ODF2L: variants seen among roughly 807,000 people sequenced by gnomAD.
The protein encoded by ODF2L is outer dense fiber of sperm tails 2 like.
Under a neutral mutation model 86.3 loss-of-function variants are expected in ODF2L, and 76 were observed. The observed-to-expected ratio is 0.88, with a 90% CI of 0.73 to 1.07. The LOEUF (loss-of-function observed/expected upper bound fraction) is 1.07. Ranked by LOEUF, ODF2L falls within the 50% of genes least tolerant of loss-of-function variation. The pLI is 0.00. For synonymous variants in ODF2L, 241 were observed against 231.3 expected (o/e 1.04, Z -0.38); for missense variants, 748 against 717.4 (o/e 1.04, Z -0.49).
chr1:86,367,431 G>A (rs1003450478), intron 11 of ODF2L, among the ~76,000 whole-genome samples: 2 of 151,986 alleles, frequency 1.3e-5, no homozygotes, highest in African/African-American at 2.4e-5. Flanking sequence ...ATGGCATCTA[G>A]GCAGCAGGCC....
rs367675604 is a variant in ODF2L at position 86,372,450 on chromosome 1, G to A, written c.901C>T (p.Gln301Ter). 4.8e-6 allele frequency: 7 copies of A among 1,451,526 alleles called. No homozygotes were observed. The African/African-American group carries it at 8.8e-5, about 18-fold the overall frequency. The allele number at this position is 1,451,526 out of a possible 1,614,324, so 89.9% of individuals were successfully genotyped here. ...TCTTACTTTTTCATTGTTTCAATCTGTACTTCCAATTCGGTTTTTTCTATC... is the reference window on the plus strand; with the variant it reads ...TCTTACTTTTTCATTGTTTCAATCTATACTTCCAATTCGGTTTTTTCTATC... The change falls in exon 9 of 18, where the codon CAG (glutamine) becomes TAG (stop). Residue 301 changes from glutamine (Q) to a stop codon, truncating the protein, a stop_gained. Coordinates refer to ENST00000317336, the Ensembl canonical transcript of ODF2L. LOFTEE classifies it high-confidence loss of function.
chr1:86,392,166 A>G (rs1349741200), intron 1 of ODF2L, among the ~76,000 whole-genome samples: 1 of 152,224 alleles, frequency 6.6e-6, no homozygotes, highest in Non-Finnish European at 1.5e-5. Flanking sequence ...AAGCACAGCC[A>G]TAATCAAAAA....
intron 16 of ODF2L, among the ~76,000 whole-genome samples, chr1:86,353,570 G>A (rs1012386305): frequency 6.6e-6 from 1 of 152,128 alleles, no homozygotes; most frequent in Admixed American, 6.6e-5. Context: ...TCCTTCTAAG[G>A]AAGCCTATTT....
At chr1:86,367,099 T>C (rs946990516) in intron 11 of ODF2L, among the ~76,000 whole-genome samples, 4 of 152,074 alleles carry the variant, frequency 2.6e-5, no homozygotes, top group African/African-American at 9.7e-5. Context: ...AAAATGTCAC[T>C]ACAGAGGAAC....
Position 86,377,503 on chromosome 1 carries a change from C to T in ODF2L, c.625-1085G>A, listed in dbSNP as rs561855078. On this transcript the variant is annotated intron_variant, in intron 7 of 17. Transcript: ENST00000317336. ...TCTCCAACCCCATATTTCTCTTCCA[C>T]ACTGCCCCAGCAGAGGTTCCCCATA... Among the ~76,000 whole-genome samples, 11 of 152,342 alleles carry T rather than the reference C, an allele frequency of 7.2e-5. No individual in the cohort carries two copies. In the South Asian group the frequency reaches 8.3e-4, roughly 11 times the overall value.
intron 16 of ODF2L, among the ~76,000 whole-genome samples, chr1:86,353,461 T>C (rs1171044464): frequency 1.3e-5 from 2 of 152,142 alleles, no homozygotes; most frequent in Non-Finnish European, 2.9e-5. Flanking sequence ...ATTCATTCAC[T>C]TCCAAACTGG....
exon 8 of ODF2L, chr1:86,376,287 C>A (rs372262481): frequency 3.7e-6 from 6 of 1,612,884 alleles, no homozygotes; most frequent in Middle Eastern, 1.6e-4. Flanking sequence ...AATGGTCAAG[C>A]CTTTGTTTGT....
chr1:86,395,757 G>A (rs937863975), intron 1 of ODF2L, among the ~76,000 whole-genome samples: 8 of 152,144 alleles, frequency 5.3e-5, no homozygotes, highest in African/African-American at 1.7e-4. Context: ...TCAGGACTTC[G>A]TTCTGCACAA....
At chr1:86,369,967 T>C (rs1659683817) in intron 10 of ODF2L, among the ~76,000 whole-genome samples, 1 of 152,162 alleles carries the variant, frequency 6.6e-6, no homozygotes, top group Non-Finnish European at 1.5e-5. Flanking sequence ...TTGGTGATGA[T>C]TTTTAAATTG....
intron 14 of ODF2L, chr1:86,355,349 G>T (rs1369476274): frequency 1.7e-5 from 26 of 1,534,458 alleles, no homozygotes; most frequent in Non-Finnish European, 2.2e-5. Flanking sequence ...ACTCACCCAT[G>T]CCAAGACAGA....
exon 3 of ODF2L, chr1:86,385,497 T>C (rs951457667): frequency 1.9e-6 from 3 of 1,599,758 alleles, no homozygotes; most frequent in African/African-American, 2.7e-5. Context: ...CCTTAAATAG[T>C]GGCAAAAGCA....
At chr1:86,383,774 TA>T (rs763885814) in intron 4 of ODF2L, among the ~76,000 whole-genome samples, 2 of 151,798 alleles carry the variant, frequency 1.3e-5, no homozygotes, top group Non-Finnish European at 3.0e-5. Context: ...ATGGATTTCA[TA>T]AAGGTCATCC....
chr1:86,369,280 G>T (rs1570389201), intron 10 of ODF2L, among the ~76,000 whole-genome samples: 1 of 152,090 alleles, frequency 6.6e-6, no homozygotes, highest in African/African-American at 2.4e-5. Flanking sequence ...AAAAAAAATG[G>T]TATTAAGGTA....
chr1:86,354,551 A>C (rs556596304), exon 16 of ODF2L: 1 of 1,601,384 alleles, frequency 6.2e-7, no homozygotes, highest in Admixed American at 1.7e-5. Flanking sequence ...CTTCTTCTAA[A>C]GCAGCTTCCA....
Position 86,354,711 on chromosome 1 carries a change from T to C in ODF2L, c.1605-19A>G, listed in dbSNP as rs1456738859. On this transcript the variant is annotated intron_variant, in intron 15 of 17. Coordinates refer to ENST00000317336, the Ensembl canonical transcript of ODF2L. ...TAATTTTCTTTTTACAGAAAACATA[T>C]ATTTTAAAATGTTAATGTGCAGAGA... 6.3e-7 allele frequency: 1 copy of C among 1,583,612 alleles called. No individual in the cohort carries two copies. The highest frequency in any genetic ancestry group is 8.7e-7 in the Non-Finnish European group (1 of 1,155,750).
Position 86,356,674 on chromosome 1 carries a change from C to G in ODF2L, c.1360-72G>C, listed in dbSNP as rs1210935376. ...ATTAATATTTTTATTATCTTAAATA[C>G]TAGATATGCTTATAACGTAAGTATT... On this transcript the variant is annotated intron_variant, in intron 13 of 17. Coordinates refer to ENST00000317336, the Ensembl canonical transcript of ODF2L. 7.8e-6 allele frequency: 10 copies of G among 1,283,238 alleles called. 1 individual carries two copies. Among genetic ancestry groups the G allele is most frequent in the Middle Eastern group, 3.9e-4 (2 of 5,176 alleles). The allele number at this position is 1,283,238 out of a possible 1,614,324, so 79.5% of individuals were successfully genotyped here.
chr1:86,373,645 T>G (rs1221690551), intron 8 of ODF2L, among the ~76,000 whole-genome samples: 4 of 152,016 alleles, frequency 2.6e-5, no homozygotes, highest in Non-Finnish European at 5.9e-5. Context: ...AGAGAGAAGA[T>G]GGTAACAAAC....
At chr1:86,389,017 C>A (rs1235234545) in intron 1 of ODF2L, among the ~76,000 whole-genome samples, 1 of 152,108 alleles carries the variant, frequency 6.6e-6, no homozygotes, top group Non-Finnish European at 1.5e-5. Flanking sequence ...AAATATTGTT[C>A]AGAGATTCCA....
At chr1:86,358,021 G>A (rs1658723455) in intron 13 of ODF2L, 3 of 984,790 alleles carry the variant, frequency 3.0e-6, no homozygotes, top group Non-Finnish European at 3.6e-6. Context: ...CATTCAGTGA[G>A]CTATCTTTAT....
Sources: gnomAD v4.1 joint callset for allele counts (sites outside exome capture counted in the v4.1 genomes callset) on GRCh38, gnomAD v4.1.1 for gene constraint, MANE v1.5 for transcripts, NCBI Gene and HGNC (gene_info 2026-07-23, HGNC 2026-07-21) for gene names.